DLG2: variants seen among roughly 807,000 people sequenced by gnomAD.
DLG2 encodes discs large MAGUK scaffold protein 2, also known as disks large homolog 2.
DLG2 carries 45 observed loss-of-function variants against 132.5 expected under a neutral mutation model. The ratio of observed to expected loss-of-function variants is 0.34; its 90% CI spans 0.27 to 0.44. The LOEUF is 0.44. Among genes scored for constraint, DLG2 ranks in the 20% least tolerant of loss-of-function variants. The pLI is 1.00. For missense variants in DLG2, 1,045 were observed against 1,196.9 expected (o/e 0.87, Z 1.87); for synonymous variants, 424 against 419.6 (o/e 1.01, Z -0.13).
chr11:83,694,949 A>G (rs2081619624), intron 18 of DLG2, among the ~76,000 whole-genome samples: 1 of 152,238 alleles, frequency 6.6e-6, no homozygotes, highest in Admixed American at 6.5e-5. Context: ...CTTCAGAGAC[A>G]CATTCAGTGG....
intron 3 of DLG2, among the ~76,000 whole-genome samples, chr11:85,349,773 G>A (rs753944504): frequency 3.3e-5 from 5 of 152,112 alleles, no homozygotes; most frequent in Admixed American, 2.0e-4. Context: ...AGTATTCCAT[G>A]GTGTATATGT....
chr11:84,366,367 A>T (rs1470061932), intron 7 of DLG2, among the ~76,000 whole-genome samples: 1 of 152,030 alleles, frequency 6.6e-6, no homozygotes, highest in African/African-American at 2.4e-5. Context: ...TCATGCCAAA[A>T]TGTAAAGACC....
chr11:84,500,605 T>C (rs1039254097), intron 7 of DLG2, among the ~76,000 whole-genome samples: 30 of 152,294 alleles, frequency 2.0e-4, no homozygotes, highest in South Asian at 4.1e-4. Context: ...CTAAATTCAC[T>C]TTGCCTAAGG....
chr11:84,254,897 T>C (rs947266280), intron 7 of DLG2, among the ~76,000 whole-genome samples: 3 of 152,184 alleles, frequency 2.0e-5, no homozygotes, highest in Admixed American at 6.5e-5. Context: ...ACAAACAAGA[T>C]TGTGTAAAAA....
At chr11:85,360,227 T>C (rs137962577) in intron 3 of DLG2, among the ~76,000 whole-genome samples, 48 of 152,364 alleles carry the variant, frequency 3.2e-4, no homozygotes, top group Admixed American at 8.5e-4. Context: ...CGCAATACAC[T>C]GTAACAACTG....
At position 83,459,831 on chromosome 11, in the gene DLG2, T is replaced by C; in HGVS notation, c.2915A>G (p.Lys972Arg). ...GCAGTAGCTAATTTATAACTTTTCCTTTGAGGGAATCCAGATGAAAGGCCC... is the reference window on the plus strand; with the variant it reads ...GCAGTAGCTAATTTATAACTTTTCCCTTGAGGGAATCCAGATGAAAGGCCC... ...QSGPFIWIPSKEKL is the reference protein window; with the variant it reads ...QSGPFIWIPSREKL Residue 972 changes from lysine (K) to arginine (R), a missense_variant, in exon 28 of 28, where the codon AAG becomes AGG. Coordinates refer to ENST00000376104, the MANE Select transcript of DLG2 (RefSeq NM_001142699.3). 1 of 1,603,582 alleles carries C rather than the reference T, an allele frequency of 6.2e-7. No individual in the cohort carries two copies. The highest frequency in any genetic ancestry group is 1.7e-5 in the Admixed American group (1 of 60,014).
intron 18 of DLG2, among the ~76,000 whole-genome samples, chr11:83,667,143 T>A (rs2075775144): frequency 6.6e-6 from 1 of 152,266 alleles, no homozygotes. Context: ...ATATTTATTT[T>A]AAGGAAGAAT....
At chr11:85,555,197 G>A (rs970889788) in intron 3 of DLG2, among the ~76,000 whole-genome samples, 2 of 151,746 alleles carry the variant, frequency 1.3e-5, no homozygotes, top group Non-Finnish European at 2.9e-5. Flanking sequence ...CTGACTAAAA[G>A]GAAATATACT....
At chr11:84,641,711 A>G in intron 6 of DLG2, among the ~76,000 whole-genome samples, 1 of 152,142 alleles carries the variant, frequency 6.6e-6, no homozygotes, top group East Asian at 1.9e-4. Context: ...TACCTTGGGC[A>G]AGAGCTTAAT....
At chr11:85,486,211 A>T (rs1034638666) in intron 3 of DLG2, among the ~76,000 whole-genome samples, 2 of 151,732 alleles carry the variant, frequency 1.3e-5, no homozygotes, top group Non-Finnish European at 2.9e-5. Flanking sequence ...GAGACCAGGC[A>T]CTCCCATGAC....
chr11:83,977,561 T>C (rs1377170040), intron 12 of DLG2, among the ~76,000 whole-genome samples: 2 of 152,054 alleles, frequency 1.3e-5, no homozygotes, highest in East Asian at 3.9e-4. Flanking sequence ...GAAAAACATA[T>C]TCAATTTTGA....
chr11:85,583,948 A>G (rs1411642936), intron 3 of DLG2, among the ~76,000 whole-genome samples: 2 of 152,192 alleles, frequency 1.3e-5, no homozygotes, highest in Non-Finnish European at 2.9e-5. Flanking sequence ...ACAAGCTCTC[A>G]ACCCCTGGTT....
At chr11:83,983,019 T>C (rs2092932716) in intron 11 of DLG2, among the ~76,000 whole-genome samples, 1 of 152,136 alleles carries the variant, frequency 6.6e-6, no homozygotes, top group Non-Finnish European at 1.5e-5. Context: ...CTAAGTACGC[T>C]CTATTATGTT....
chr11:85,247,449 A>G (rs1269273132), intron 4 of DLG2, among the ~76,000 whole-genome samples: 2 of 152,022 alleles, frequency 1.3e-5, no homozygotes, highest in African/African-American at 4.8e-5. Flanking sequence ...CATTCTATCC[A>G]AAATTACAAG....
intron 21 of DLG2, among the ~76,000 whole-genome samples, chr11:83,508,152 C>A (rs1185039757): frequency 1.3e-5 from 2 of 152,036 alleles, no homozygotes; most frequent in African/African-American, 4.8e-5. Flanking sequence ...TACTTTGCAT[C>A]CTTCCATCCA....
At chr11:84,833,578 T>C (rs2079315759) in intron 6 of DLG2, among the ~76,000 whole-genome samples, 1 of 151,152 alleles carries the variant, frequency 6.6e-6, no homozygotes, top group South Asian at 2.1e-4. Context: ...GCCCCACTTT[T>C]ATCACATTTA....
At chr11:85,496,450 C>A (rs1027341029) in intron 3 of DLG2, among the ~76,000 whole-genome samples, 2 of 152,196 alleles carry the variant, frequency 1.3e-5, no homozygotes, top group Non-Finnish European at 2.9e-5. Context: ...TGCAGCTCAT[C>A]AAGACCTTCT....
intron 3 of DLG2, among the ~76,000 whole-genome samples, chr11:85,564,425 CA>C: frequency 6.6e-6 from 1 of 151,908 alleles, no homozygotes; most frequent in South Asian, 2.1e-4. Flanking sequence ...AGTTATTTTT[CA>C]ACATGATATG....
intron 6 of DLG2, among the ~76,000 whole-genome samples, chr11:84,579,297 T>C (rs1028974795): frequency 2.6e-5 from 4 of 152,102 alleles, no homozygotes; most frequent in African/African-American, 9.7e-5. Context: ...TGTAAAAATA[T>C]AGTTTTTCAA....
Sources: allele counts gnomAD v4.1 joint callset (sites outside exome capture counted in the v4.1 genomes callset), GRCh38; gene constraint gnomAD v4.1.1; transcripts MANE v1.5; gene names NCBI Gene and HGNC (gene_info 2026-07-23, HGNC 2026-07-21).